The following HPSE2 variants were observed in gnomAD, a reference collection of about 807,000 sequenced individuals.
The protein encoded by HPSE2 is heparanase 2 (inactive), also known as inactive heparanase-2.
In HPSE2, 38 loss-of-function variants were observed where a neutral mutation model predicts 60.5. That is an observed-to-expected ratio of 0.63 (90% CI 0.48 to 0.82). HPSE2 has a LOEUF of 0.82. Ranked by LOEUF, HPSE2 falls within the 40% of genes least tolerant of loss-of-function variation. HPSE2 has a pLI of 0.00. For synonymous variants in HPSE2, 295 were observed against 293.2 expected (o/e 1.01, Z -0.06); for missense variants, 713 against 740.4 (o/e 0.96, Z 0.43).
intron 3 of HPSE2, among the ~76,000 whole-genome samples, chr10:98,946,703 T>C (rs1441012658): frequency 6.6e-6 from 1 of 152,090 alleles, no homozygotes; most frequent in Admixed American, 6.6e-5. Flanking sequence ...AAACTATAAA[T>C]GGCACCATTT....
chr10:99,262,072 G>A, the HPSE2 span, among the ~76,000 whole-genome samples: 1 of 152,136 alleles, frequency 6.6e-6, no homozygotes, highest in African/African-American at 2.4e-5. Context: ...GACTCACACT[G>A]CCCGATCGCC....
At chr10:99,184,502 G>A (rs1270363141) in intron 2 of HPSE2, among the ~76,000 whole-genome samples, 1 of 107,956 alleles carries the variant, frequency 9.3e-6, no homozygotes, top group Non-Finnish European at 1.7e-5. Flanking sequence ...TCCAGCCTGG[G>A]CAACAGAGCG....
chr10:99,220,671 C>T (rs1175808061), intron 2 of HPSE2, among the ~76,000 whole-genome samples: 1 of 151,664 alleles, frequency 6.6e-6, no homozygotes. Context: ...GGCGTGGTGG[C>T]GCATGCCTGT....
At chr10:99,255,280 C>G in the HPSE2 span, among the ~76,000 whole-genome samples, 1 of 152,036 alleles carries the variant, frequency 6.6e-6, no homozygotes, top group Admixed American at 6.6e-5. Context: ...CTGGTGAATT[C>G]TAACAAACAT....
At position 98,935,897 on chromosome 10, in the gene HPSE2, G is replaced by C. The variant is rs753451506; in HGVS notation, c.611-191841C>G. 3.5e-5 allele frequency among the ~76,000 whole-genome samples: 5 copies of C among 144,822 alleles called. 1 individual carries two copies. Among genetic ancestry groups the C allele is most frequent in the Non-Finnish European group, 7.4e-5 (5 of 67,226 alleles). ...AGAAAGATCAGGTCTGCTGAACCTGGGACCACAGCCACCCCTCCCACCAGG... is the reference window on the plus strand; with the variant it reads ...AGAAAGATCAGGTCTGCTGAACCTGCGACCACAGCCACCCCTCCCACCAGG... On this transcript the variant is annotated intron_variant, in intron 3 of 11. Transcript: ENST00000370552.
Position 98,918,391 on chromosome 10 carries a change from G to A in HPSE2, c.611-174335C>T, listed in dbSNP as rs188996897. Among the ~76,000 whole-genome samples the A allele has an allele frequency of 9.5e-3, 1,441 of 151,794 alleles. 24 individuals carry two copies. The highest frequency in any genetic ancestry group is 0.032 in the African/African-American group (1,335 of 41,338). Reference sequence around the variant, plus strand: ...AGACACATGCACACGTATGTTTATTGCGGCACTATTCACAATAGCAAAGAC... The same window carrying A: ...AGACACATGCACACGTATGTTTATTACGGCACTATTCACAATAGCAAAGAC... On this transcript the variant is annotated intron_variant, in intron 3 of 11. Transcript: ENST00000370552.
chr10:99,177,011 C>T (rs1847552595), intron 2 of HPSE2, among the ~76,000 whole-genome samples: 1 of 152,160 alleles, frequency 6.6e-6, no homozygotes, highest in African/African-American at 2.4e-5. Flanking sequence ...ATTACATATA[C>T]AGCCAAACTA....
intron 3 of HPSE2, among the ~76,000 whole-genome samples, chr10:98,937,425 G>C (rs1278079991): frequency 6.9e-6 from 1 of 144,402 alleles, no homozygotes; most frequent in Non-Finnish European, 1.5e-5. Flanking sequence ...CGGCGCACCA[G>C]GAGATTATAT....
At chr10:99,268,269 C>T in the HPSE2 span, among the ~76,000 whole-genome samples, 7 of 152,254 alleles carry the variant, frequency 4.6e-5, no homozygotes, top group East Asian at 1.3e-3. Context: ...CCACTACCAA[C>T]CCAACACTAC....
chr10:98,656,559 C>T (rs1448426801), intron 6 of HPSE2, among the ~76,000 whole-genome samples: 2 of 152,118 alleles, frequency 1.3e-5, no homozygotes, highest in African/African-American at 4.8e-5. Context: ...CATGTCATCA[C>T]ATAATTGACT....
At chr10:98,545,135 C>T (rs1943622740) in intron 9 of HPSE2, among the ~76,000 whole-genome samples, 1 of 152,130 alleles carries the variant, frequency 6.6e-6, no homozygotes, top group African/African-American at 2.4e-5. Flanking sequence ...AGACCAATAA[C>T]AGGATCTGAA....
At chr10:98,596,619 T>C (rs1945246488) in intron 9 of HPSE2, among the ~76,000 whole-genome samples, 1 of 152,170 alleles carries the variant, frequency 6.6e-6, no homozygotes, top group Non-Finnish European at 1.5e-5. Context: ...TAAAGTATTC[T>C]TGGTTGGCAG....
At chr10:98,511,150 T>C (rs138179940) in intron 9 of HPSE2, among the ~76,000 whole-genome samples, 2 of 151,806 alleles carry the variant, frequency 1.3e-5, no homozygotes, top group Non-Finnish European at 2.9e-5. Flanking sequence ...TGTTTGTTTT[T>C]GTTTTTTGTT....
chr10:99,041,254 G>C lies in HPSE2; in HGVS notation c.610+102984C>G, dbSNP rs531425343. On this transcript the variant is annotated intron_variant, in intron 3 of 11. Coordinates refer to ENST00000370552, the MANE Select transcript of HPSE2 (RefSeq NM_021828.5). ...AGTGGTGAGTAAACAGGCTCTTCAA[G>C]TGGATCATCCAGGAGGCCACATTGA... 3.3e-5 allele frequency among the ~76,000 whole-genome samples: 5 copies of C among 152,188 alleles called. No homozygotes were observed. The South Asian group carries it at 1.0e-3, about 32-fold the overall frequency.
chr10:99,075,337 A>C (rs968346626), intron 3 of HPSE2, among the ~76,000 whole-genome samples: 1 of 152,054 alleles, frequency 6.6e-6, no homozygotes, highest in South Asian at 2.1e-4. Context: ...TGAATTTTCC[A>C]GTTTCCCATC....
chr10:98,744,974 G>A (rs796266787), intron 3 of HPSE2, among the ~76,000 whole-genome samples: 11 of 152,298 alleles, frequency 7.2e-5, no homozygotes, highest in African/African-American at 2.2e-4. Flanking sequence ...AGGCCGAGGC[G>A]GGTGGATCTC....
chr10:99,177,150 T>G (rs1214286044), intron 2 of HPSE2, among the ~76,000 whole-genome samples: 1 of 151,908 alleles, frequency 6.6e-6, no homozygotes, highest in Non-Finnish European at 1.5e-5. Flanking sequence ...AAAAACGGTA[T>G]CAGCCACTGC....
In HPSE2 at chr10:99,074,688, G is replaced by A. The variant is rs573933271; in HGVS notation, c.610+69550C>T. On this transcript the variant is annotated intron_variant, in intron 3 of 11. Coordinates refer to ENST00000370552, the MANE Select transcript of HPSE2 (RefSeq NM_021828.5). ...CATCAGTGAAGCTACCTAGCACTAGGCTTTTTGTTGGGAGGTTTTTGATTA... is the reference window on the plus strand; with the variant it reads ...CATCAGTGAAGCTACCTAGCACTAGACTTTTTGTTGGGAGGTTTTTGATTA... Among the ~76,000 whole-genome samples, 3 of 152,130 alleles carry A rather than the reference G, an allele frequency of 2.0e-5. No individual in the cohort carries two copies. In the East Asian group the frequency reaches 5.8e-4, roughly 29 times the overall value.
chr10:98,611,077 C>T (rs558729171), intron 9 of HPSE2, among the ~76,000 whole-genome samples: 46 of 151,344 alleles, frequency 3.0e-4, no homozygotes, highest in African/African-American at 1.1e-3. Context: ...CACACGTCCC[C>T]ATTTTCCCAG....
Sources: allele counts gnomAD v4.1 joint callset (sites outside exome capture counted in the v4.1 genomes callset), GRCh38; gene constraint gnomAD v4.1.1; transcripts MANE v1.5; gene names NCBI Gene and HGNC (gene_info 2026-07-23, HGNC 2026-07-21).